Variants in NEK5 observed in about 807,000 individuals in gnomAD.
NEK5 encodes the protein NIMA related kinase 5, also known as serine/threonine-protein kinase Nek5.
In NEK5, 88 loss-of-function variants were observed where a neutral mutation model predicts 109.2. The observed-to-expected ratio is 0.81, with a 90% CI of 0.68 to 0.96. NEK5 has a LOEUF of 0.96. NEK5 is among the 40% of genes least tolerant of loss of function. The probability of loss-of-function intolerance (pLI) is 0.00; values close to 1 mark genes in which losing one functional copy is unlikely to be tolerated. For missense variants in NEK5, 834 were observed against 920.7 expected, an observed-to-expected ratio of 0.91 and a Z score of 1.22; for synonymous variants, 283 against 299.9, an observed-to-expected ratio of 0.94 and a Z score of 0.58.
chr13:52,055,885 C>G (rs1046340155), intron 22 of NEK5, among the ~76,000 whole-genome samples: 2 of 151,712 alleles, frequency 1.3e-5, no homozygotes, highest in Admixed American at 6.6e-5. Flanking sequence ...AGAAACTGCA[C>G]CAACTAACGA....
chr13:52,092,329 A>G (rs1257414932), intron 13 of NEK5, among the ~76,000 whole-genome samples: 1 of 152,228 alleles, frequency 6.6e-6, no homozygotes, highest in African/African-American at 2.4e-5. Context: ...GTAATTTATA[A>G]GAACACGTAA....
At chr13:52,079,916 C>T (rs374265307) in intron 17 of NEK5, among the ~76,000 whole-genome samples, 13,283 of 151,168 alleles carry the variant, frequency 0.088, 153 homozygotes, top group Non-Finnish European at 0.11. Context: ...CCCGCCGCCC[C>T]GTCTGGGATG....
At chr13:52,050,503 T>C (rs1364349243) in intron 22 of NEK5, among the ~76,000 whole-genome samples, 1 of 152,046 alleles carries the variant, frequency 6.6e-6, no homozygotes, top group African/African-American at 2.4e-5. Context: ...TTTACCACAG[T>C]TGGACCACTC....
chr13:52,089,272 T>C lies in NEK5; in HGVS notation c.1250A>G (p.Tyr417Cys), dbSNP rs562362241. The C allele has an allele frequency of 1.4e-5, 22 of 1,606,022 alleles. No homozygotes were observed. Among genetic ancestry groups the C allele is most frequent in the African/African-American group, 4.0e-5 (3 of 74,894 alleles). Residue 417 changes from tyrosine (Y) to cysteine (C), a missense_variant, in exon 14 of 24, where the codon TAT becomes TGT. Around this residue, in one of 2 missense-constraint regions of NEK5, gnomAD observed 777 missense variants for 824.7 expected, o/e 0.94. Transcript: ENST00000684899. ...YLQRKFEAQQ[Y>C]KLKVEKQLGL... ...CAATTGCTTCTCCACTTTCAACTTA[T>C]ATTGTTGAGCTTCAAATTTTCTCTG...
intron 23 of NEK5, among the ~76,000 whole-genome samples, chr13:52,046,977 G>C (rs1954465084): frequency 6.6e-6 from 1 of 152,104 alleles, no homozygotes; most frequent in Non-Finnish European, 1.5e-5. Context: ...AGGAAATAAA[G>C]ATGGCTCTTT....
chr13:52,110,389 C>G lies in NEK5; in HGVS notation c.418G>C (p.Gly140Arg). ...AAGTCCCCAAGCTTTGCCACCATTCCGTTCTTGCTAAGAAAAATGTTCTAT... is the reference window on the plus strand; with the variant it reads ...AAGTCCCCAAGCTTTGCCACCATTCGGTTCTTGCTAAGAAAAATGTTCTAT... ...KAQNIFLSKN[G>R]MVAKLGDFGI... The change falls in exon 7 of 24, where the codon GGA becomes CGA. Residue 140 changes from glycine to arginine, a missense_variant. This residue lies in a region of NEK5 where 777 missense variants were observed against 824.7 expected (regional missense o/e 0.94). Transcript: ENST00000684899. 2 of 1,613,218 alleles carry G rather than the reference C, an allele frequency of 1.2e-6. No homozygotes were observed. The highest frequency in any genetic ancestry group is 1.7e-6 in the Non-Finnish European group (2 of 1,179,242).
intron 3 of NEK5, among the ~76,000 whole-genome samples, chr13:52,122,545 G>A (rs1955990402): frequency 6.6e-6 from 1 of 152,224 alleles, no homozygotes; most frequent in Non-Finnish European, 1.5e-5. Context: ...AAGGCAGGCA[G>A]ATCACGAAGT....
rs530890910 is a variant in NEK5, at chr13:52,066,789, G to A, written c.1850-1180C>T. On this transcript the variant is annotated intron_variant, in intron 20 of 23. Coordinates refer to ENST00000684899, the MANE Select transcript of NEK5 (RefSeq NM_001365552.1). ...TTTGCACTCCAGCCTTGGTGACAGA[G>A]TGAGACGCTGTCTCAAAAAAAAAAA... Among the ~76,000 whole-genome samples the A allele has an allele frequency of 5.3e-5, 8 of 149,676 alleles. No homozygotes were observed. In the South Asian group the frequency reaches 1.5e-3, roughly 27 times the overall value.
intron 16 of NEK5, among the ~76,000 whole-genome samples, chr13:52,084,762 A>AGAGTGTGTGTGTGTGT (rs1228944662): frequency 8.4e-5 from 4 of 47,436 alleles, no homozygotes; most frequent in African/African-American, 1.5e-4. Context: ...AGAGAGAGAG[A>AGAGTGTGTGTGTGTGT]GTGTGTGTGT....
chr13:52,054,608 A>T (rs533822305), intron 22 of NEK5, among the ~76,000 whole-genome samples: 1 of 148,120 alleles, frequency 6.8e-6, no homozygotes, highest in Non-Finnish European at 1.5e-5. Context: ...ATCTGAGAAC[A>T]GGCAGACTGC....
intron 20 of NEK5, among the ~76,000 whole-genome samples, chr13:52,065,814 C>A (rs1158548267): frequency 6.6e-6 from 1 of 152,194 alleles, no homozygotes; most frequent in African/African-American, 2.4e-5. Flanking sequence ...GTTTGACTGA[C>A]TAGCCAATAT....
intron 16 of NEK5, among the ~76,000 whole-genome samples, chr13:52,083,695 C>T (rs532784393): frequency 6.6e-6 from 1 of 152,104 alleles, no homozygotes; most frequent in African/African-American, 2.4e-5. Context: ...CACCACCACG[C>T]CTGGCTAATT....
chr13:52,122,226 C>T (rs1316680932), intron 3 of NEK5, among the ~76,000 whole-genome samples: 1 of 152,198 alleles, frequency 6.6e-6, no homozygotes, highest in Non-Finnish European at 1.5e-5. Flanking sequence ...TTAGCCTCAG[C>T]TCTTTCACTT....
In NEK5 at chr13:52,040,089, T is replaced by C. The variant is rs1414922874; in HGVS notation, c.2229-2871A>G. Among the ~76,000 whole-genome samples the C allele has an allele frequency of 2.0e-5, 3 of 150,864 alleles. No individual in the cohort carries two copies. In the East Asian group the frequency reaches 5.8e-4, roughly 29 times the overall value. On this transcript the variant is annotated intron_variant, in intron 23 of 23. Coordinates refer to ENST00000684899, the MANE Select transcript of NEK5 (RefSeq NM_001365552.1). Reference sequence around the variant, plus strand: ...CACCAAATCTACTGGCACTTTTTTTTTTTTTTTTTTTTTGAGAGAAATCTC... The same window carrying C: ...CACCAAATCTACTGGCACTTTTTTTCTTTTTTTTTTTTTGAGAGAAATCTC...
chr13:52,108,845 A>G (rs751237127), intron 7 of NEK5, among the ~76,000 whole-genome samples: 1 of 152,236 alleles, frequency 6.6e-6, no homozygotes, highest in African/African-American at 2.4e-5. Context: ...CATATTTTTC[A>G]TATAACCGTG....
intron 16 of NEK5, among the ~76,000 whole-genome samples, chr13:52,085,554 T>A (rs560126671): frequency 1.3e-5 from 2 of 152,328 alleles, no homozygotes; most frequent in East Asian, 3.9e-4. Context: ...AATGAGTGTG[T>A]GGCCAAGTGC....
intron 17 of NEK5, among the ~76,000 whole-genome samples, chr13:52,078,775 T>C (rs1046850132): frequency 3.9e-5 from 6 of 152,200 alleles, no homozygotes; most frequent in African/African-American, 1.4e-4. Context: ...CCTGGAGAGC[T>C]TGACAGCACA....
At chr13:52,094,017 T>G (rs1955351594) in intron 12 of NEK5, among the ~76,000 whole-genome samples, 1 of 152,232 alleles carries the variant, frequency 6.6e-6, no homozygotes, top group African/African-American at 2.4e-5. Flanking sequence ...GGAAAGAAGA[T>G]GCTGAATCAG....
intron 16 of NEK5, among the ~76,000 whole-genome samples, chr13:52,085,644 G>T (rs1164146141): frequency 6.6e-6 from 1 of 152,182 alleles, no homozygotes; most frequent in East Asian, 1.9e-4. Flanking sequence ...TGTGTTCCTA[G>T]TGTTTCAATA....
Sources: gnomAD v4.1 joint callset for allele counts (sites outside exome capture counted in the v4.1 genomes callset) on GRCh38, gnomAD v4.1.1 for gene constraint, gnomAD v4.1.1 regional missense constraint, MANE v1.5 for transcripts, NCBI Gene and HGNC (gene_info 2026-07-23, HGNC 2026-07-21) for gene names.